The following GRIN2A variants were observed in gnomAD, a reference collection of about 807,000 sequenced individuals.
The protein encoded by GRIN2A is glutamate receptor ionotropic, NMDA 2A.
A neutral mutation model predicts 113.4 loss-of-function variants in GRIN2A; 22 were observed. The observed-to-expected ratio is 0.19, with a 90% CI of 0.14 to 0.28. The LOEUF is 0.28. Ranked by LOEUF, GRIN2A falls within the 10% of genes least tolerant of loss-of-function variation. The pLI, the probability that GRIN2A is intolerant of heterozygous loss-of-function variation, is 1.00. For missense variants in GRIN2A, 1,502 were observed against 1,887.0 expected (o/e 0.80, Z 3.78); for synonymous variants, 827 against 738.4 (o/e 1.12, Z -1.94).
intron 7 of GRIN2A, among the ~76,000 whole-genome samples, chr16:9,840,009 T>C (rs2042645709): frequency 6.6e-6 from 1 of 152,204 alleles, no homozygotes; most frequent in South Asian, 2.1e-4. Context: ...TCCCAGCTAC[T>C]GGGGAGGCTG....
chr16:10,021,828 T>C (rs2046730211), intron 2 of GRIN2A, among the ~76,000 whole-genome samples: 1 of 151,972 alleles, frequency 6.6e-6, no homozygotes, highest in Non-Finnish European at 1.5e-5. Context: ...TTCAGGACAC[T>C]CTGAGTGACC....
At chr16:10,151,710 T>C (rs2049579097) in intron 2 of GRIN2A, among the ~76,000 whole-genome samples, 1 of 152,150 alleles carries the variant, frequency 6.6e-6, no homozygotes, top group South Asian at 2.1e-4. Context: ...CTTGTGTTTG[T>C]CCAGTAATTT....
intron 9 of GRIN2A, among the ~76,000 whole-genome samples, chr16:9,829,181 C>T (rs1485323113): frequency 6.6e-6 from 1 of 152,198 alleles, no homozygotes; most frequent in Non-Finnish European, 1.5e-5. Flanking sequence ...GAAACACGAC[C>T]ACTCGGGGAA....
chr16:9,957,489 C>T (rs2045335172), intron 2 of GRIN2A, among the ~76,000 whole-genome samples: 1 of 152,166 alleles, frequency 6.6e-6, no homozygotes, highest in African/African-American at 2.4e-5. Flanking sequence ...CCATGTGAAA[C>T]CCCAATTCAC....
At chr16:9,827,871 C>T (rs1362000040) in intron 9 of GRIN2A, among the ~76,000 whole-genome samples, 1 of 152,234 alleles carries the variant, frequency 6.6e-6, no homozygotes, top group Non-Finnish European at 1.5e-5. Context: ...CTGAGGGCCT[C>T]TTCCCCCAGA....
intron 2 of GRIN2A, chr16:10,027,470 C>G (rs1276000289): frequency 6.6e-6 from 1 of 152,260 alleles, no homozygotes; most frequent in African/African-American, 2.4e-5. Flanking sequence ...CATCCTGGGT[C>G]TGCATTTACT....
intron 7 of GRIN2A, among the ~76,000 whole-genome samples, chr16:9,839,564 C>T (rs1489716706): frequency 2.0e-5 from 3 of 152,128 alleles, no homozygotes; most frequent in East Asian, 1.9e-4. Context: ...CATAAATCAT[C>T]GTGCAGTCAT....
intron 4 of GRIN2A, among the ~76,000 whole-genome samples, chr16:9,890,566 G>T (rs528509374): frequency 6.6e-6 from 1 of 152,296 alleles, no homozygotes; most frequent in South Asian, 2.1e-4. Flanking sequence ...TTTATTTAAA[G>T]CAAAAGACTG....
intron 2 of GRIN2A, among the ~76,000 whole-genome samples, chr16:10,023,376 A>T (rs891260685): frequency 6.6e-6 from 1 of 152,224 alleles, no homozygotes; most frequent in African/African-American, 2.4e-5. Flanking sequence ...ATGTGGGTAC[A>T]TTCAGGTGTG....
chr16:10,009,888 C>G (rs577481312), intron 2 of GRIN2A, among the ~76,000 whole-genome samples: 41 of 152,280 alleles, frequency 2.7e-4, no homozygotes, highest in African/African-American at 9.9e-4. Context: ...TCACGTGGGA[C>G]CACAATGAAC....
chr16:9,852,199 C>T (rs911712162), intron 4 of GRIN2A, among the ~76,000 whole-genome samples: 7 of 152,200 alleles, frequency 4.6e-5, no homozygotes, highest in African/African-American at 1.7e-4. Flanking sequence ...CAAACTCACA[C>T]AGCAATAAGT....
chr16:9,910,947 A>G (rs974346622), intron 3 of GRIN2A, among the ~76,000 whole-genome samples: 59 of 152,164 alleles, frequency 3.9e-4, no homozygotes, highest in African/African-American at 1.3e-3. Context: ...TAAAGACCTC[A>G]GTACCTCTCC....
intron 2 of GRIN2A, among the ~76,000 whole-genome samples, chr16:10,053,831 A>T (rs966855387): frequency 9.9e-5 from 15 of 152,222 alleles, no homozygotes; most frequent in African/African-American, 3.6e-4. Context: ...ATATTTGAAT[A>T]TGGAATGACA....
chr16:10,015,428 T>G (rs1310752146), intron 2 of GRIN2A, among the ~76,000 whole-genome samples: 1 of 152,018 alleles, frequency 6.6e-6, no homozygotes, highest in Non-Finnish European at 1.5e-5. Context: ...GTGGCCTACC[T>G]TTGGAGACCT....
At chr16:10,137,860 G>A (rs898832673) in intron 2 of GRIN2A, among the ~76,000 whole-genome samples, 1 of 152,180 alleles carries the variant, frequency 6.6e-6, no homozygotes, top group Non-Finnish European at 1.5e-5. Flanking sequence ...CTCAGAGCCT[G>A]GGATGCACCA....
At chr16:9,864,463 T>C (rs2043127546) in intron 4 of GRIN2A, among the ~76,000 whole-genome samples, 1 of 152,098 alleles carries the variant, frequency 6.6e-6, no homozygotes, top group Non-Finnish European at 1.5e-5. Context: ...TGAAAAGTGG[T>C]AAAATGTGGG....
intron 2 of GRIN2A, among the ~76,000 whole-genome samples, chr16:9,964,205 A>G (rs973896988): frequency 3.3e-5 from 5 of 152,330 alleles, no homozygotes; most frequent in Admixed American, 2.6e-4. Context: ...GGAATCGTCA[A>G]ATATCCAAAT....
rs1900313430 is a variant in GRIN2A at position 9,755,444 on chromosome 16, C to G, written c.*7705G>C. 5.5e-6 allele frequency: 1 copy of G among 183,486 alleles called. No homozygotes were observed. Among genetic ancestry groups the G allele is most frequent in the South Asian group, 2.0e-4 (1 of 5,084 alleles). 11.4% of individuals were successfully genotyped at this position (183,486 alleles called of 1,614,324 possible). A position where few individuals can be genotyped will look rare whatever the true frequency, so the allele number is the denominator to read the frequency against. On this transcript the variant is annotated 3_prime_UTR_variant, in exon 13 of 13. Transcript: ENST00000330684. ...TCTTTCTGTCTTAAAAGGCTTTTTA[C>G]TGCCAGCTTGAAAGATGAAAACAGC...
chr16:9,822,458 A>AG, intron 9 of GRIN2A, 34 bp from the exon 10 acceptor site: 1 of 1,404,908 alleles, frequency 7.1e-7, no homozygotes, highest in East Asian at 2.3e-5. Context: ...GAGAGAGAGT[A>AG]GGAAAAGAAA....
Sources: allele counts gnomAD v4.1 joint callset (sites outside exome capture counted in the v4.1 genomes callset), GRCh38; gene constraint gnomAD v4.1.1; transcripts MANE v1.5; gene names NCBI Gene and HGNC (gene_info 2026-07-23, HGNC 2026-07-21).